The following JPH3 variants were observed in gnomAD, a reference collection of about 807,000 sequenced individuals.
JPH3 encodes junctophilin-3.
JPH3 carries 11 observed loss-of-function variants against 59.6 expected under a neutral mutation model. That is an observed-to-expected ratio of 0.18 (90% CI 0.12 to 0.31). The LOEUF is 0.31. JPH3 is among the 10% of genes least tolerant of loss of function. The pLI is 1.00. For synonymous variants in JPH3, 673 were observed against 483.6 expected, an observed-to-expected ratio of 1.39 and a Z score of -5.14; for missense variants, 1,202 against 1,105.7, an observed-to-expected ratio of 1.09 and a Z score of -1.24.
intron 2 of JPH3, among the ~76,000 whole-genome samples, chr16:87,668,247 C>T (rs571480346): frequency 6.6e-6 from 1 of 152,160 alleles, no homozygotes; most frequent in Non-Finnish European, 1.5e-5. Flanking sequence ...AGGCCGGAGC[C>T]GGCACATGCG....
In JPH3 at chr16:87,670,813, G is replaced by T. The variant is rs558393928; in HGVS notation, c.1161-13329G>T. On this transcript the variant is annotated intron_variant, in intron 2 of 4. Coordinates refer to ENST00000284262, the MANE Select transcript of JPH3 (RefSeq NM_020655.4). ...GTGGGGTGAAGACCCTGTTCCTATGGTGTGGACGTGGTAGAGATCCAGGGG... is the reference window on the plus strand; with the variant it reads ...GTGGGGTGAAGACCCTGTTCCTATGTTGTGGACGTGGTAGAGATCCAGGGG... 2.1e-3 allele frequency among the ~76,000 whole-genome samples: 327 copies of T among 152,336 alleles called. 2 individuals carry two copies. Among genetic ancestry groups the T allele is most frequent in the African/African-American group, 7.4e-3 (309 of 41,584 alleles).
intron 1 of JPH3, among the ~76,000 whole-genome samples, chr16:87,636,170 G>A (rs1039679263): frequency 1.3e-5 from 2 of 152,198 alleles, no homozygotes; most frequent in African/African-American, 2.4e-5. Flanking sequence ...GGGAATCAGC[G>A]GCTTGGGTTT....
chr16:87,636,542 T>A (rs2031755672), intron 1 of JPH3, among the ~76,000 whole-genome samples: 1 of 152,182 alleles, frequency 6.6e-6, no homozygotes. Flanking sequence ...GGGGAAGCCC[T>A]GTCCCTCACT....
At chr16:87,628,531 G>T (rs1216475780) in intron 1 of JPH3, among the ~76,000 whole-genome samples, 1 of 152,218 alleles carries the variant, frequency 6.6e-6, no homozygotes, top group African/African-American at 2.4e-5. Context: ...ACAGAGTGTG[G>T]GTTTTGGAAG....
intron 1 of JPH3, among the ~76,000 whole-genome samples, chr16:87,620,472 A>G (rs1233511992): frequency 2.5e-5 from 3 of 120,854 alleles, no homozygotes; most frequent in African/African-American, 9.2e-5. Flanking sequence ...GAGGGAGAGA[A>G]GGAGAGAAGA....
chr16:87,626,938 C>T (rs1001814006), intron 1 of JPH3, among the ~76,000 whole-genome samples: 14 of 152,134 alleles, frequency 9.2e-5, no homozygotes, highest in Admixed American at 2.0e-4. Context: ...GCCAGGAGTT[C>T]AAGACCAGCC....
chr16:87,685,873 A>G (rs548179464), intron 3 of JPH3, among the ~76,000 whole-genome samples: 3 of 152,318 alleles, frequency 2.0e-5, no homozygotes, highest in African/African-American at 7.2e-5. Flanking sequence ...CAAGAGACGC[A>G]TCCACCGGAA....
intron 2 of JPH3, among the ~76,000 whole-genome samples, chr16:87,679,037 G>C (rs1051358831): frequency 2.0e-5 from 3 of 152,162 alleles, no homozygotes; most frequent in African/African-American, 4.8e-5. Flanking sequence ...GGACACTTAC[G>C]TGAACTTCAG....
At chr16:87,671,619 C>T (rs934395568) in intron 2 of JPH3, among the ~76,000 whole-genome samples, 1 of 65,234 alleles carries the variant, frequency 1.5e-5, no homozygotes, top group East Asian at 6.0e-4. Context: ...CAGTTCTGCG[C>T]CTGAGCTCCC....
At chr16:87,614,847 G>A (rs12930767) in intron 1 of JPH3, among the ~76,000 whole-genome samples, 11 of 129,422 alleles carry the variant, frequency 8.5e-5, no homozygotes, top group African/African-American at 2.4e-4. Context: ...GTCCCTTCCC[G>A]GGATAAACGC....
At chr16:87,679,706 G>C (rs2033237703) in intron 2 of JPH3, among the ~76,000 whole-genome samples, 1 of 152,244 alleles carries the variant, frequency 6.6e-6, no homozygotes, top group African/African-American at 2.4e-5. Flanking sequence ...GTGTTGACCT[G>C]CTCCTGGGCC....
In JPH3 at chr16:87,603,302, C is replaced by G. The variant is rs995326745; in HGVS notation, c.156C>G (p.Val52=). 5.0e-6 allele frequency: 8 copies of G among 1,613,308 alleles called. No individual in the cohort carries two copies. The Admixed American group carries it at 1.0e-4, about 20-fold the overall frequency. Residue 52 remains valine, a synonymous_variant, in exon 1 of 5, where the codon GTC becomes GTG. Coordinates refer to ENST00000284262, the MANE Select transcript of JPH3 (RefSeq NM_020655.4). ...GCCACGGCTTCGAGGTGCTGGGCGT[C>G]TACACCTGGCCCAGCGGCAACACGT... The part of the protein sequence containing the change: ...SWSHGFEVLG[V]YTWPSGNTYQ...
At chr16:87,660,609 C>T (rs1342325861) in intron 2 of JPH3, among the ~76,000 whole-genome samples, 1 of 152,172 alleles carries the variant, frequency 6.6e-6, no homozygotes, top group Non-Finnish European at 1.5e-5. Context: ...TCCCAGTCTC[C>T]CCGTTTTGTA....
intron 1 of JPH3, among the ~76,000 whole-genome samples, chr16:87,637,478 C>G (rs186555094): frequency 2.0e-5 from 3 of 151,852 alleles, no homozygotes; most frequent in African/African-American, 7.3e-5. Flanking sequence ...GGTCTGTTCT[C>G]ATTTTGCGCC....
Position 87,644,472 on chromosome 16 carries a change from G to A in JPH3, c.597G>A (p.Val199=), listed in dbSNP as rs759038114. 6.2e-7 allele frequency: 1 copy of A among 1,612,778 alleles called. No homozygotes were observed. Among genetic ancestry groups the A allele is most frequent in the South Asian group, 1.1e-5 (1 of 91,082 alleles). ...TGTCCCGCGGGGGCTTCGTGCTCGT[G>A]GCCCACAGTGACTCCGAGATCCTCA... is the stretch of plus-strand genomic sequence containing the variant. ...PAVSRGGFVL[V]AHSDSEILKS... Residue 199 remains valine (V), a synonymous_variant, in exon 2 of 5, where the codon GTG becomes GTA. Transcript: ENST00000284262.
intron 2 of JPH3, among the ~76,000 whole-genome samples, chr16:87,656,744 T>G (rs148371057): frequency 6.6e-6 from 1 of 152,270 alleles, no homozygotes; most frequent in Non-Finnish European, 1.5e-5. Flanking sequence ...TCTCCTGGTG[T>G]CCGCCTTTCT....
intron 2 of JPH3, among the ~76,000 whole-genome samples, chr16:87,658,372 C>G (rs1214586030): frequency 6.6e-6 from 1 of 151,776 alleles, no homozygotes; most frequent in Non-Finnish European, 1.5e-5. Flanking sequence ...GCTTCTCCCC[C>G]TCTCTTTTTC....
intron 1 of JPH3, among the ~76,000 whole-genome samples, chr16:87,607,071 C>T (rs1300398778): frequency 1.3e-5 from 2 of 152,178 alleles, no homozygotes; most frequent in African/African-American, 4.8e-5. Flanking sequence ...TGTGCAAAAA[C>T]ACCTCCTGTT....
rs2032069476 is a variant in JPH3, at chr16:87,644,476, C to T, written c.601C>T (p.His201Tyr). 1 of 1,612,710 alleles carries T rather than the reference C, an allele frequency of 6.2e-7. No individual in the cohort carries two copies. Among genetic ancestry groups the T allele is most frequent in the African/African-American group, 1.3e-5 (1 of 74,938 alleles). Residue 201 changes from histidine to tyrosine, a missense_variant, in exon 2 of 5, where the codon CAC becomes TAC. Physicochemically the swap from His to Tyr is moderately conservative, Grantham distance 83 (BLOSUM62 2). Transcript: ENST00000284262. ...VSRGGFVLVA[H>Y]SDSEILKSKK... ...CCGCGGGGGCTTCGTGCTCGTGGCC[C>T]ACAGTGACTCCGAGATCCTCAAGAG...
Sources: allele counts gnomAD v4.1 joint callset (sites outside exome capture counted in the v4.1 genomes callset), GRCh38; gene constraint gnomAD v4.1.1; transcripts MANE v1.5; gene names NCBI Gene and HGNC (gene_info 2026-07-23, HGNC 2026-07-21).